SLC25A26: variants seen among roughly 807,000 people sequenced by gnomAD.
SLC25A26 encodes mitochondrial S-adenosylmethionine carrier protein.
A neutral mutation model predicts 37.8 loss-of-function variants in SLC25A26; 36 were observed. The observed-to-expected ratio is 0.95, with a 90% CI of 0.73 to 1.26. The LOEUF (loss-of-function observed/expected upper bound fraction) is 1.26. SLC25A26 is among the 50% of genes most tolerant of loss of function. The pLI, the probability that SLC25A26 is intolerant of heterozygous loss-of-function variation, is 0.00. For synonymous variants in SLC25A26, 129 were observed against 122.5 expected (o/e 1.05, Z -0.35); for missense variants, 390 against 331.1 (o/e 1.18, Z -1.38).
chr3:66,364,735 A>C (rs1246145830), intron 7 of SLC25A26, among the ~76,000 whole-genome samples: 1 of 152,240 alleles, frequency 6.6e-6, no homozygotes, highest in African/African-American at 2.4e-5. Context: ...CTACTTTCAC[A>C]GTAATTCATC....
intron 1 of SLC25A26, among the ~76,000 whole-genome samples, chr3:66,209,750 A>T (rs1237993404): frequency 7.2e-6 from 1 of 139,032 alleles, no homozygotes; most frequent in East Asian, 2.1e-4. Context: ...GGATATATAT[A>T]TACAACTTTT....
chr3:66,228,240 AT>A (rs1269017568), intron 1 of SLC25A26, among the ~76,000 whole-genome samples: 1 of 152,152 alleles, frequency 6.6e-6, no homozygotes, highest in Non-Finnish European at 1.5e-5. Flanking sequence ...TGATGGAGGC[AT>A]TTTTTTGTGC....
At chr3:66,220,974 C>T, upstream of SLC25A26, 6 of 1,075,198 alleles carry the variant, frequency 5.6e-6, no homozygotes, top group Admixed American at 6.1e-5. Context: ...TGTGGTTCTA[C>T]GTCACGTGGT....
In SLC25A26 at chr3:66,221,040, C is replaced by T. The variant is rs924243242; in HGVS notation, c.-55C>T. The T allele has an allele frequency of 9.2e-6, 14 of 1,529,154 alleles. No individual in the cohort carries two copies. The highest frequency in any genetic ancestry group is 1.1e-5 in the Non-Finnish European group (12 of 1,140,282). The allele number at this position is 1,529,154 out of a possible 1,614,324, so 94.7% of individuals were successfully genotyped here. On this transcript the variant is annotated 5_prime_UTR_variant, in exon 1 of 10. The change creates a new upstream start codon in the 5' untranslated region. Transcript: ENST00000354883. ...CATGGCGGCGCCCAGCGCGCGAGGA[C>T]GTGATCCGCTTCTGCTCCGGCTTGG...
chr3:66,213,274 C>A (rs1399776856), intron 1 of SLC25A26, among the ~76,000 whole-genome samples: 1 of 151,824 alleles, frequency 6.6e-6, no homozygotes, highest in Non-Finnish European at 1.5e-5. Flanking sequence ...GTAGCCCATA[C>A]CTGTAATCCC....
intron 1 of SLC25A26, among the ~76,000 whole-genome samples, chr3:66,213,351 G>T (rs2071311949): frequency 8.7e-6 from 1 of 115,078 alleles, no homozygotes; most frequent in East Asian, 3.1e-4. Flanking sequence ...AATGAGCCAA[G>T]ATCATGCCAC....
intron 5 of SLC25A26, among the ~76,000 whole-genome samples, chr3:66,272,413 T>C (rs1275719826): frequency 6.6e-6 from 1 of 152,140 alleles, no homozygotes; most frequent in African/African-American, 2.4e-5. Context: ...AGCCTTTAGA[T>C]AGGCGTTAGT....
chr3:66,137,443 G>A (rs1349654002), intron 1 of SLC25A26, among the ~76,000 whole-genome samples: 3 of 152,004 alleles, frequency 2.0e-5, no homozygotes, highest in Non-Finnish European at 4.4e-5. Flanking sequence ...GGCCAAGATG[G>A]TCTCAAACTC....
chr3:66,301,567 C>G (rs1475672558), intron 5 of SLC25A26, among the ~76,000 whole-genome samples: 5 of 152,306 alleles, frequency 3.3e-5, no homozygotes, highest in African/African-American at 4.8e-5. Context: ...GGACTGAATC[C>G]TACTAGGCCA....
Position 66,369,471 on chromosome 3 carries a change from T to C in SLC25A26, c.569-7T>C. ...TCTCACTTGGGTGTTGGGTATTATTTGTACAGGTGGATTTGCCGCTGCAGT... is the reference window on the plus strand; with the variant it reads ...TCTCACTTGGGTGTTGGGTATTATTCGTACAGGTGGATTTGCCGCTGCAGT... On this transcript the variant is annotated splice_polypyrimidine_tract_variant and splice_region_variant and intron_variant, in intron 7 of 9. Coordinates refer to ENST00000354883, the MANE Select transcript of SLC25A26 (RefSeq NM_001379210.1). The C allele has an allele frequency of 1.2e-6, 2 of 1,600,422 alleles. No individual in the cohort carries two copies. Among genetic ancestry groups the C allele is most frequent in the East Asian group, 4.5e-5 (2 of 44,472 alleles).
intron 5 of SLC25A26, among the ~76,000 whole-genome samples, chr3:66,287,988 T>C (rs1033641516): frequency 6.6e-6 from 1 of 152,238 alleles, no homozygotes; most frequent in African/African-American, 2.4e-5. Flanking sequence ...CAGTAATTTT[T>C]AGTTCACCAG....
chr3:66,174,275 G>A (rs2070542129), intron 1 of SLC25A26, among the ~76,000 whole-genome samples: 1 of 152,194 alleles, frequency 6.6e-6, no homozygotes, highest in Admixed American at 6.5e-5. Flanking sequence ...AGCTTGGGAA[G>A]TTGTACCTAA....
At chr3:66,332,360 A>C (rs554006316) in intron 5 of SLC25A26, among the ~76,000 whole-genome samples, 1 of 152,296 alleles carries the variant, frequency 6.6e-6, no homozygotes, top group African/African-American at 2.4e-5. Context: ...ACTTTGCCGT[A>C]CATCTGTTTT....
At chr3:66,140,961 G>T (rs2070024545) in intron 1 of SLC25A26, among the ~76,000 whole-genome samples, 1 of 151,868 alleles carries the variant, frequency 6.6e-6, no homozygotes, top group African/African-American at 2.4e-5. Context: ...TGGTTACTGT[G>T]GTGGTGCCAC....
At chr3:66,168,181 G>GTATATATA (rs2070451396) in intron 1 of SLC25A26, among the ~76,000 whole-genome samples, 1 of 21,124 alleles carries the variant, frequency 4.7e-5, no homozygotes, top group Non-Finnish European at 9.6e-5. Flanking sequence ...ATATATGTGT[G>GTATATATA]TGTGTATATA....
At chr3:66,300,221 T>C (rs531427395) in intron 5 of SLC25A26, among the ~76,000 whole-genome samples, 1 of 151,174 alleles carries the variant, frequency 6.6e-6, no homozygotes, top group Non-Finnish European at 1.5e-5. Flanking sequence ...TACAGTGAAC[T>C]CCAGTGGACT....
At chr3:66,366,027 G>A (rs909303035) in intron 7 of SLC25A26, among the ~76,000 whole-genome samples, 3 of 152,198 alleles carry the variant, frequency 2.0e-5, no homozygotes, top group African/African-American at 7.2e-5. Context: ...TGGGGCAGGG[G>A]CAGTTAGGGA....
chr3:66,176,358 T>C (rs370479690), intron 1 of SLC25A26, among the ~76,000 whole-genome samples: 2 of 152,234 alleles, frequency 1.3e-5, no homozygotes, highest in Non-Finnish European at 2.9e-5. Flanking sequence ...ATGAACGCTC[T>C]TGTAGCCAGA....
intron 2 of SLC25A26, among the ~76,000 whole-genome samples, chr3:66,237,849 A>T (rs1350796043): frequency 7.2e-5 from 11 of 152,166 alleles, no homozygotes; most frequent in African/African-American, 1.9e-4. Flanking sequence ...TCGCAGGATG[A>T]TTCATGAGAA....
Sources: allele counts gnomAD v4.1 joint callset (sites outside exome capture counted in the v4.1 genomes callset), GRCh38; gene constraint gnomAD v4.1.1; transcripts MANE v1.5; gene names NCBI Gene and HGNC (gene_info 2026-07-23, HGNC 2026-07-21).